The following KIAA1217 variants were observed in gnomAD, a reference collection of about 807,000 sequenced individuals.
KIAA1217 encodes KIAA1217, also known as sickle tail protein homolog.
Under a neutral mutation model 163.9 loss-of-function variants are expected in KIAA1217, and 88 were observed. The observed-to-expected ratio is 0.54, with a 90% CI of 0.45 to 0.64. KIAA1217 has a LOEUF of 0.64. KIAA1217 is among the 30% of genes least tolerant of loss of function. KIAA1217 has a pLI of 0.00. For missense variants in KIAA1217, 2,372 were observed against 2,475.0 expected, an observed-to-expected ratio of 0.96 and a Z score of 0.88; for synonymous variants, 903 against 923.1, an observed-to-expected ratio of 0.98 and a Z score of 0.39.
chr10:24,367,089 A>T (rs1030011413), intron 2 of KIAA1217: 2 of 936,778 alleles, frequency 2.1e-6, no homozygotes, highest in African/African-American at 3.6e-5. Context: ...TTTCTTTCCT[A>T]TTTTTTTCTT....
chr10:23,822,623 G>A (rs748140230), intron 1 of KIAA1217, among the ~76,000 whole-genome samples: 12 of 152,266 alleles, frequency 7.9e-5, no homozygotes, highest in East Asian at 5.8e-4. Context: ...CAAACCTCTC[G>A]TTCCATTTGT....
intron 3 of KIAA1217, among the ~76,000 whole-genome samples, chr10:24,415,447 A>G (rs2058163996): frequency 6.6e-6 from 1 of 151,902 alleles, no homozygotes; most frequent in African/African-American, 2.4e-5. Flanking sequence ...TTGCACCTGT[A>G]CTTCCACTAG....
chr10:24,195,199 C>CTGGATG (rs2066928125), intron 2 of KIAA1217, among the ~76,000 whole-genome samples: 1 of 152,198 alleles, frequency 6.6e-6, no homozygotes, highest in African/African-American at 2.4e-5. Context: ...TGTCCCTGGA[C>CTGGATG]TGCAGCATCC....
At chr10:23,849,500 C>G (rs1486996711) in intron 1 of KIAA1217, among the ~76,000 whole-genome samples, 3 of 151,974 alleles carry the variant, frequency 2.0e-5, no homozygotes, top group African/African-American at 7.2e-5. Context: ...TCCATCAATC[C>G]CTCCTAAGGA....
chr10:24,111,692 A>G (rs2062852555), intron 2 of KIAA1217, among the ~76,000 whole-genome samples: 2 of 142,994 alleles, frequency 1.4e-5, no homozygotes, highest in African/African-American at 6.1e-5. Flanking sequence ...TGCAGGCAGA[A>G]AAAAAAATCA....
At chr10:24,206,985 C>G (rs1280213226), upstream of KIAA1217, among the ~76,000 whole-genome samples, 1 of 152,208 alleles carries the variant, frequency 6.6e-6, no homozygotes, top group Non-Finnish European at 1.5e-5. Context: ...ACCTTCCAAA[C>G]AGCCCCCAGG....
At chr10:23,792,729 C>T (rs898073089) in intron 1 of KIAA1217, among the ~76,000 whole-genome samples, 4 of 151,630 alleles carry the variant, frequency 2.6e-5, no homozygotes, top group African/African-American at 9.7e-5. Flanking sequence ...GTCTCGATCT[C>T]CTGACCTTGT....
At position 24,473,955 on chromosome 10, in the gene KIAA1217, G is replaced by T. The variant is rs772585153; in HGVS notation, c.1574G>T (p.Arg525Leu). The change falls in exon 6 of 21, where the codon CGG becomes CTG. Residue 525 changes from arginine (R) to leucine (L), a missense_variant. Physicochemically the swap from Arg to Leu is moderately radical, Grantham distance 102. Transcript: ENST00000376454. Reference protein sequence around the residue: ...PGTLVYIEKPRSAAGLSSLVD... With the variant: ...PGTLVYIEKPLSAAGLSSLVD... ...ACCTTGGTGTATATAGAAAAGCCAC[G>T]GAGCGCTGCAGGATTATCCAGCCTT... The T allele has an allele frequency of 6.2e-7, 1 of 1,614,006 alleles. No individual in the cohort carries two copies. The highest frequency in any genetic ancestry group is 1.3e-5 in the African/African-American group (1 of 74,922).
intron 1 of KIAA1217, among the ~76,000 whole-genome samples, chr10:23,790,602 CATATATACATATGT>C (rs1303353037): frequency 1.7e-5 from 2 of 114,812 alleles, no homozygotes; most frequent in East Asian, 4.4e-4. Context: ...TATACATGTA[CATATATACATATGT>C]ATATATACAT....
intron 15 of KIAA1217, among the ~76,000 whole-genome samples, chr10:24,532,572 A>G (rs1048622364): frequency 6.6e-6 from 1 of 152,228 alleles, no homozygotes; most frequent in Non-Finnish European, 1.5e-5. Flanking sequence ...AGGTCTCACA[A>G]TTATGGCAGA....
intron 2 of KIAA1217, among the ~76,000 whole-genome samples, chr10:24,373,334 C>T (rs1386971426): frequency 6.6e-6 from 1 of 152,154 alleles, no homozygotes; most frequent in Non-Finnish European, 1.5e-5. Context: ...TCCCCTCTTC[C>T]TGCGCAATTA....
chr10:24,543,003 T>C lies in KIAA1217; in HGVS notation c.3733T>C (p.Ser1245Pro). ...AACTGAGATCATAATGAAGGAAAAT[T>C]CCATATCCAATATGAGTTTACTCAG... ...YKTEIIMKENSISNMSLLRDS... is the reference protein window; with the variant it reads ...YKTEIIMKENPISNMSLLRDS... The change falls in exon 19 of 21, where the codon TCC becomes CCC. Residue 1245 changes from serine to proline, a missense_variant. Around this residue, in one of 3 missense-constraint regions of KIAA1217, gnomAD observed 251 missense variants for 327.3 expected, o/e 0.77. Coordinates refer to ENST00000376454, the MANE Select transcript of KIAA1217 (RefSeq NM_019590.5). The C allele has an allele frequency of 3.7e-6, 6 of 1,613,630 alleles. No homozygotes were observed. The highest frequency in any genetic ancestry group is 5.1e-6 in the Non-Finnish European group (6 of 1,179,856).
At chr10:24,094,448 C>T (rs2062066992) in intron 2 of KIAA1217, among the ~76,000 whole-genome samples, 1 of 152,212 alleles carries the variant, frequency 6.6e-6, no homozygotes, top group African/African-American at 2.4e-5. Context: ...TTCCCTCTAA[C>T]AGACAGGACC....
chr10:24,300,726 C>A (rs2041218270), intron 2 of KIAA1217, among the ~76,000 whole-genome samples: 1 of 152,130 alleles, frequency 6.6e-6, no homozygotes, highest in Non-Finnish European at 1.5e-5. Context: ...CACCACCACA[C>A]CTGGCTAATT....
intron 1 of KIAA1217, among the ~76,000 whole-genome samples, chr10:23,727,267 A>G (rs1309395222): frequency 1.3e-5 from 2 of 152,106 alleles, no homozygotes; most frequent in Admixed American, 1.3e-4. Context: ...CTTTCTAAAA[A>G]TAAAATTGTT....
chr10:24,272,687 T>A (rs2076888582), intron 2 of KIAA1217, among the ~76,000 whole-genome samples: 1 of 152,242 alleles, frequency 6.6e-6, no homozygotes, highest in African/African-American at 2.4e-5. Flanking sequence ...AATTCTTTAC[T>A]TCTTTCAAGG....
At chr10:24,477,773 T>G (rs1196664254) in intron 6 of KIAA1217, among the ~76,000 whole-genome samples, 3 of 152,306 alleles carry the variant, frequency 2.0e-5, no homozygotes, top group African/African-American at 7.2e-5. Context: ...TAAATGCATC[T>G]GAGTACTATG....
intron 2 of KIAA1217, among the ~76,000 whole-genome samples, chr10:24,304,290 T>C (rs954149932): frequency 2.6e-5 from 4 of 151,832 alleles, no homozygotes; most frequent in Non-Finnish European, 5.9e-5. Context: ...CTATATCTTA[T>C]GTTTTCACTT....
At chr10:24,318,253 G>A (rs2043666187) in intron 2 of KIAA1217, among the ~76,000 whole-genome samples, 1 of 152,172 alleles carries the variant, frequency 6.6e-6, no homozygotes, top group South Asian at 2.1e-4. Context: ...TGTATAGATA[G>A]ATGAATAGGT....
Sources: gnomAD v4.1 joint callset for allele counts (sites outside exome capture counted in the v4.1 genomes callset) on GRCh38, gnomAD v4.1.1 for gene constraint, gnomAD v4.1.1 regional missense constraint, MANE v1.5 for transcripts, NCBI Gene and HGNC (gene_info 2026-07-23, HGNC 2026-07-21) for gene names.